The following TACR1 variants were observed in gnomAD, a reference collection of about 807,000 sequenced individuals.
TACR1 encodes the protein substance-P receptor.
In TACR1, 25 loss-of-function variants were observed where a neutral mutation model predicts 35.8. The observed-to-expected ratio is 0.70, with a 90% CI of 0.51 to 0.98. The LOEUF is 0.98. Ranked by LOEUF, TACR1 falls within the 50% of genes least tolerant of loss-of-function variation. The pLI is 0.00. For synonymous variants in TACR1, 195 were observed against 206.7 expected (o/e 0.94, Z 0.48); for missense variants, 478 against 522.9 (o/e 0.91, Z 0.84).
At chr2:75,144,207 A>G (rs1480245496) in intron 1 of TACR1, among the ~76,000 whole-genome samples, 2 of 152,190 alleles carry the variant, frequency 1.3e-5, no homozygotes, top group Non-Finnish European at 2.9e-5. Flanking sequence ...GAGCTGATCG[A>G]TGGAGCTCCC....
chr2:75,145,647 A>G (rs530807166), intron 1 of TACR1, among the ~76,000 whole-genome samples: 4 of 152,338 alleles, frequency 2.6e-5, no homozygotes, highest in African/African-American at 7.2e-5. Flanking sequence ...AGACATAAAC[A>G]CGTACTGAAA....
At chr2:75,138,435 A>G (rs184866683) in intron 1 of TACR1, among the ~76,000 whole-genome samples, 5 of 152,302 alleles carry the variant, frequency 3.3e-5, no homozygotes, top group African/African-American at 1.2e-4. Context: ...CTTCTTCCCA[A>G]AGAAGGTGGT....
chr2:75,158,155 T>G (rs1015022667), intron 1 of TACR1, among the ~76,000 whole-genome samples: 1 of 152,242 alleles, frequency 6.6e-6, no homozygotes, highest in African/African-American at 2.4e-5. Context: ...CAACACTTTT[T>G]ACTATCTTTG....
intron 1 of TACR1, among the ~76,000 whole-genome samples, chr2:75,146,342 C>A (rs555147788): frequency 6.6e-6 from 1 of 152,064 alleles, no homozygotes; most frequent in African/African-American, 2.4e-5. Flanking sequence ...AGGCTGGTCT[C>A]GAACTCCTGA....
chr2:75,099,093 C>T (rs1225145684), intron 2 of TACR1, among the ~76,000 whole-genome samples: 1 of 152,042 alleles, frequency 6.6e-6, no homozygotes, highest in Admixed American at 6.5e-5. Context: ...TGCTGTCACT[C>T]TCCAGCCTCC....
At chr2:75,057,818 G>A (rs1246725935) in intron 2 of TACR1, among the ~76,000 whole-genome samples, 4 of 152,148 alleles carry the variant, frequency 2.6e-5, no homozygotes, top group Non-Finnish European at 4.4e-5. Context: ...ATGGAAGGTG[G>A]TGATGGTTGC....
intron 2 of TACR1, among the ~76,000 whole-genome samples, chr2:75,069,602 T>A (rs1187467822): frequency 6.6e-6 from 1 of 152,228 alleles, no homozygotes; most frequent in Non-Finnish European, 1.5e-5. Flanking sequence ...AGATCTCACA[T>A]TAAGTTTACT....
chr2:75,135,192 C>G (rs1674254365), intron 1 of TACR1, among the ~76,000 whole-genome samples: 1 of 152,214 alleles, frequency 6.6e-6, no homozygotes, highest in Non-Finnish European at 1.5e-5. Flanking sequence ...GGACATATCT[C>G]TTTCCCTCTC....
chr2:75,175,894 A>G (rs1365178205), intron 1 of TACR1, among the ~76,000 whole-genome samples: 1 of 152,148 alleles, frequency 6.6e-6, no homozygotes, highest in African/African-American at 2.4e-5. Flanking sequence ...GGATTTTCTC[A>G]GAAGCTAACT....
intron 2 of TACR1, among the ~76,000 whole-genome samples, chr2:75,091,201 C>CAAAAAAAA (rs1184236584): frequency 3.2e-5 from 2 of 63,416 alleles, no homozygotes; most frequent in Non-Finnish European, 6.4e-5. Context: ...CTCGTAGGTG[C>CAAAAAAAA]AAAAAAAAAA....
chr2:75,163,089 C>T (rs1298310038), intron 1 of TACR1, among the ~76,000 whole-genome samples: 1 of 152,200 alleles, frequency 6.6e-6, no homozygotes, highest in Non-Finnish European at 1.5e-5. Context: ...CTTCCACTTC[C>T]CTCTTACCCA....
intron 1 of TACR1, among the ~76,000 whole-genome samples, chr2:75,168,777 T>C (rs1344085429): frequency 1.3e-5 from 2 of 152,212 alleles, no homozygotes; most frequent in Admixed American, 1.3e-4. Flanking sequence ...AAGAACCTAT[T>C]TAGTTACATG....
chr2:75,178,918 T>C (rs375097026), intron 1 of TACR1, among the ~76,000 whole-genome samples: 1 of 152,192 alleles, frequency 6.6e-6, no homozygotes, highest in African/African-American at 2.4e-5. Context: ...GCAGGGAAAA[T>C]GTCTCTATCT....
In TACR1 at chr2:75,046,521, A is replaced by G. The variant is rs1011708676; in HGVS notation, c.*2911T>C. On this transcript the variant is annotated 3_prime_UTR_variant, in exon 5 of 5. Transcript: ENST00000305249. Reference sequence around the variant, plus strand: ...TTCTTTCCAGGAGACCAGGCTGGAAAACACGGAAACCTCAGGAATGGCCCC... The same window carrying G: ...TTCTTTCCAGGAGACCAGGCTGGAAGACACGGAAACCTCAGGAATGGCCCC... The G allele has an allele frequency of 2.0e-5, 3 of 152,182 alleles. No homozygotes were observed. Among genetic ancestry groups the G allele is most frequent in the Non-Finnish European group, 4.4e-5 (3 of 68,052 alleles). The allele number at this position is 152,182 out of a possible 1,614,324, so 9.4% of individuals were successfully genotyped here.
At chr2:75,150,358 G>T (rs1164612274) in intron 1 of TACR1, among the ~76,000 whole-genome samples, 1 of 152,164 alleles carries the variant, frequency 6.6e-6, no homozygotes, top group African/African-American at 2.4e-5. Flanking sequence ...AACTTGAATT[G>T]TATCTCCCAT....
At chr2:75,049,822 C>T (rs1446378430) in intron 4 of TACR1, 99 bp from the exon 5 acceptor site, 5 of 1,302,974 alleles carry the variant, frequency 3.8e-6, no homozygotes, top group Non-Finnish European at 1.0e-6. Flanking sequence ...CATACCCAAG[C>T]GTGATTCTGT....
rs576391315 is a variant in TACR1 at position 75,199,181 on chromosome 2, T to C, written c.-247A>G. 27 of 502,210 alleles carry C rather than the reference T, an allele frequency of 5.4e-5. No homozygotes were observed. The East Asian group carries it at 8.1e-4, about 15-fold the overall frequency. 31.1% of individuals were successfully genotyped at this position (502,210 alleles called of 1,614,324 possible). On this transcript the variant is annotated 5_prime_UTR_variant, in exon 1 of 5. It removes the in-frame stop codon of an upstream open reading frame in the 5' UTR. Coordinates refer to ENST00000305249, the MANE Select transcript of TACR1 (RefSeq NM_001058.4). ...TTCAAGCTTCAGGAGACGTTTGAGT[T>C]CAGAAGTCTGGAGACAGCATCTCTC...
chr2:75,095,517 G>T (rs1026125537), intron 2 of TACR1, among the ~76,000 whole-genome samples: 1 of 152,166 alleles, frequency 6.6e-6, no homozygotes, highest in African/African-American at 2.4e-5. Context: ...AGGGAAGAAA[G>T]CAGGGGCTGA....
At chr2:75,171,800 T>C (rs1675293248) in intron 1 of TACR1, among the ~76,000 whole-genome samples, 1 of 152,222 alleles carries the variant, frequency 6.6e-6, no homozygotes, top group South Asian at 2.1e-4. Context: ...ATGGGTTTAT[T>C]TACCCAATGC....
Sources: allele counts gnomAD v4.1 joint callset (sites outside exome capture counted in the v4.1 genomes callset), GRCh38; gene constraint gnomAD v4.1.1; transcripts MANE v1.5; gene names NCBI Gene and HGNC (gene_info 2026-07-23, HGNC 2026-07-21).